Variants in TOMM70 observed in about 807,000 individuals in gnomAD.
TOMM70 encodes the protein mitochondrial import receptor subunit TOM70.
A neutral mutation model predicts 73.6 loss-of-function variants in TOMM70; 13 were observed. The ratio of observed to expected loss-of-function variants is 0.18; its 90% confidence interval spans 0.11 to 0.28. The LOEUF is 0.28. Ranked by LOEUF, TOMM70 falls within the 10% of genes least tolerant of loss-of-function variation. TOMM70 has a pLI of 1.00. For synonymous variants in TOMM70, 257 were observed against 271.2 expected (o/e 0.95, Z 0.51); for missense variants, 609 against 747.5 (o/e 0.81, Z 2.16).
chr3:100,374,997 T>C (rs60463428), intron 7 of TOMM70, 21 bp downstream of exon 7: 107,515 of 1,561,604 alleles, frequency 0.069, 5,210 homozygotes, highest in African/African-American at 0.22. Flanking sequence ...GTCAGACCTC[T>C]AGGTAAGAAA....
Position 100,364,398 on chromosome 3 carries a change from T to C in TOMM70, c.*1166A>G, listed in dbSNP as rs572597103. On this transcript the variant is annotated 3_prime_UTR_variant, in exon 12 of 12. Transcript: ENST00000284320. ...AAACTTGTTATTTCAGGAAATACTA[T>C]GCTCTGGCTCCAAGTCTTACATCCT... The C allele has an allele frequency of 5.3e-5, 8 of 152,344 alleles. No individual in the cohort carries two copies. The South Asian group carries it at 1.7e-3, about 32-fold the overall frequency. The allele number at this position is 152,344 out of a possible 1,614,324, so 9.4% of individuals were successfully genotyped here. A position where few individuals can be genotyped will look rare whatever the true frequency, so the allele number is the denominator to read the frequency against.
intron 1 of TOMM70, among the ~76,000 whole-genome samples, chr3:100,393,450 G>T (rs79339148): frequency 6.6e-6 from 1 of 151,380 alleles, no homozygotes; most frequent in Non-Finnish European, 1.5e-5. Flanking sequence ...TCAGAGGAGG[G>T]GGGTGGCAGA....
At chr3:100,378,994 G>A (rs554744264) in intron 5 of TOMM70, among the ~76,000 whole-genome samples, 68 of 150,378 alleles carry the variant, frequency 4.5e-4, no homozygotes, top group African/African-American at 1.4e-3. Flanking sequence ...GCGACAGAGC[G>A]AGACTCCGTC....
chr3:100,390,698 G>A (rs1238277960), intron 1 of TOMM70, among the ~76,000 whole-genome samples: 3 of 151,966 alleles, frequency 2.0e-5, no homozygotes, highest in Non-Finnish European at 4.4e-5. Flanking sequence ...GTGTGGTGGC[G>A]AGCGCCTGTA....
chr3:100,380,176 T>G (rs1297568961), intron 5 of TOMM70, among the ~76,000 whole-genome samples: 1 of 151,932 alleles, frequency 6.6e-6, no homozygotes, highest in Admixed American at 6.5e-5. Context: ...TGAAACTCCG[T>G]CTCTACTCAA....
At chr3:100,381,511 T>C (rs921782761) in intron 5 of TOMM70, 104 bp downstream of exon 5, 8 of 790,266 alleles carry the variant, frequency 1.0e-5, no homozygotes, top group African/African-American at 1.8e-5. Flanking sequence ...TATCTGTAGA[T>C]AGATAGCTGC....
chr3:100,384,654 T>G, intron 3 of TOMM70, 66 bp from the exon 4 acceptor site: 1 of 1,156,512 alleles, frequency 8.6e-7, no homozygotes, highest in South Asian at 1.9e-5. Flanking sequence ...CAGCATCAAA[T>G]GGGTACAATG....
chr3:100,389,299 T>A (rs767698388), intron 1 of TOMM70, among the ~76,000 whole-genome samples: 2 of 152,038 alleles, frequency 1.3e-5, no homozygotes, highest in Non-Finnish European at 2.9e-5. Flanking sequence ...GAAATAGAAA[T>A]GTACAGCTTC....
intron 1 of TOMM70, among the ~76,000 whole-genome samples, chr3:100,388,754 C>T (rs1375394881): frequency 1.3e-5 from 2 of 152,062 alleles, no homozygotes; most frequent in East Asian, 1.9e-4. Context: ...AAATGAGAGG[C>T]TATCTTCCCA....
chr3:100,374,142 T>C (rs1472530929), intron 7 of TOMM70, among the ~76,000 whole-genome samples: 1 of 152,240 alleles, frequency 6.6e-6, no homozygotes, highest in Non-Finnish European at 1.5e-5. Context: ...ATTGTAATAC[T>C]GCATTTTTAC....
Position 100,401,080 on chromosome 3 carries a change from G to A in TOMM70, c.-131C>T, listed in dbSNP as rs1443867568. On this transcript the variant is annotated 5_prime_UTR_variant, in exon 1 of 12. Coordinates refer to ENST00000284320, the MANE Select transcript of TOMM70 (RefSeq NM_014820.5). ...AGCACGCTAGGCAGAGAGAGCGGAC[G>A]ACAGAAAAGGGCCAGAGGTCACCGG... 8 of 1,028,170 alleles carry A rather than the reference G, an allele frequency of 7.8e-6. No homozygotes were observed. Among genetic ancestry groups the A allele is most frequent in the Admixed American group, 2.3e-5 (1 of 42,576 alleles). The allele number at this position is 1,028,170 out of a possible 1,614,324, so 63.7% of individuals were successfully genotyped here.
At chr3:100,372,529 G>T in intron 9 of TOMM70, 77 bp downstream of exon 9, 1 of 1,161,360 alleles carries the variant, frequency 8.6e-7, no homozygotes, top group Non-Finnish European at 1.3e-6. Context: ...AACCATGATA[G>T]CACTGTTTTC....
chr3:100,374,965 GGT>G, intron 7 of TOMM70, 51 bp downstream of exon 7: 3 of 1,448,896 alleles, frequency 2.1e-6, no homozygotes, highest in Non-Finnish European at 2.7e-6. Flanking sequence ...TCTCAAAAAT[GGT>G]ATCAAAGCTC....
intron 1 of TOMM70, among the ~76,000 whole-genome samples, chr3:100,398,050 T>C (rs1188380261): frequency 6.6e-6 from 1 of 152,026 alleles, no homozygotes; most frequent in African/African-American, 2.4e-5. Flanking sequence ...ACAGATCCCC[T>C]GGGATGAGGT....
At chr3:100,398,556 T>C (rs1559836542) in intron 1 of TOMM70, among the ~76,000 whole-genome samples, 1 of 152,160 alleles carries the variant, frequency 6.6e-6, no homozygotes, top group African/African-American at 2.4e-5. Context: ...ACATCCAAAA[T>C]TGATGTAAGA....
chr3:100,381,824 C>T, intron 4 of TOMM70, 61 bp from the exon 5 acceptor site: 1 of 1,451,290 alleles, frequency 6.9e-7, no homozygotes, highest in Non-Finnish European at 9.2e-7. Flanking sequence ...GAAGCAGGTA[C>T]ATTGTAGAAC....
chr3:100,386,468 G>A, intron 2 of TOMM70, 124 bp from the exon 3 acceptor site: 1 of 1,013,534 alleles, frequency 9.9e-7, no homozygotes, highest in Non-Finnish European at 1.4e-6. Context: ...AATACAAAGA[G>A]TTAATATCTG....
At chr3:100,376,143 T>G (rs2148890351) in intron 6 of TOMM70, among the ~76,000 whole-genome samples, 1 of 152,322 alleles carries the variant, frequency 6.6e-6, no homozygotes, top group East Asian at 1.9e-4. Flanking sequence ...TAATGGCTAA[T>G]GATGCCAACA....
chr3:100,371,259 ATTTTTTTTT>A (rs61515802), intron 9 of TOMM70, among the ~76,000 whole-genome samples: 35 of 98,648 alleles, frequency 3.5e-4, no homozygotes, highest in African/African-American at 1.1e-3. Flanking sequence ...CAGCGATGGT[ATTTTTTTTT>A]TTTTTTTTTT....
Sources: allele counts gnomAD v4.1 joint callset (sites outside exome capture counted in the v4.1 genomes callset), GRCh38; gene constraint gnomAD v4.1.1; transcripts MANE v1.5; gene names NCBI Gene and HGNC (gene_info 2026-07-23, HGNC 2026-07-21).